The following DNAI1 variants were observed in gnomAD, a reference collection of about 807,000 sequenced individuals.
DNAI1 encodes the protein dynein, axonemal, intermediate polypeptide 1.
Under a neutral mutation model 92.0 loss-of-function variants are expected in DNAI1, and 67 were observed. The ratio of observed to expected loss-of-function variants is 0.73; its 90% CI spans 0.60 to 0.89. The LOEUF (loss-of-function observed/expected upper bound fraction) is 0.89. Among genes scored for constraint, DNAI1 ranks in the 40% least tolerant of loss-of-function variants. DNAI1 has a pLI of 0.00. For missense variants in DNAI1, 839 were observed against 866.6 expected, an observed-to-expected ratio of 0.97 and a Z score of 0.40; for synonymous variants, 323 against 319.6, an observed-to-expected ratio of 1.01 and a Z score of -0.11.
At chr9:34,498,667 G>A (rs1824770893) in intron 10 of DNAI1, among the ~76,000 whole-genome samples, 1 of 152,206 alleles carries the variant, frequency 6.6e-6, no homozygotes, top group Non-Finnish European at 1.5e-5. Context: ...TTCCCTAAGA[G>A]GTTGTGCATT....
rs758652167 is a variant in DNAI1, at chr9:34,490,055, C to T, written c.432C>T (p.Leu144=). The change falls in exon 6 of 20, where the codon CTC becomes CTT. Residue 144 remains leucine (L), a synonymous_variant. Transcript: ENST00000242317. ...AGGTGATTTCAGAAACAGGAAACCT[C>T]GAAGAAGACGAAGAGCCCAAGGAGT... ...SVKVISETGN[L]EEDEEPKELE... is the part of the protein sequence containing the mutation. 31 of 1,614,044 alleles carry T rather than the reference C, an allele frequency of 1.9e-5. 2 individuals are homozygous for T. The highest frequency in any genetic ancestry group is 1.9e-4 in the African/African-American group (14 of 74,924).
chr9:34,498,150 T>C (rs1159975391), intron 10 of DNAI1, among the ~76,000 whole-genome samples: 1 of 152,178 alleles, frequency 6.6e-6, no homozygotes, highest in African/African-American at 2.4e-5. Context: ...TGACCTAGCC[T>C]GTGTCTTAAG....
intron 13 of DNAI1, among the ~76,000 whole-genome samples, chr9:34,510,577 C>T (rs1441833632): frequency 1.3e-5 from 2 of 152,166 alleles, no homozygotes; most frequent in Non-Finnish European, 2.9e-5. Flanking sequence ...CGGCTCACCT[C>T]CACCCCAGGA....
chr9:34,507,767 G>A (rs577960094), intron 13 of DNAI1, among the ~76,000 whole-genome samples: 9 of 152,322 alleles, frequency 5.9e-5, no homozygotes, highest in South Asian at 2.1e-4. Flanking sequence ...GCCTGCCCTC[G>A]GGTGGGACTG....
At chr9:34,491,421 C>T in intron 7 of DNAI1, 74 bp from the exon 8 acceptor site, 2 of 1,557,688 alleles carry the variant, frequency 1.3e-6, no homozygotes, top group South Asian at 1.1e-5. Context: ...ATGCTTCTCT[C>T]AAAGATATAC....
rs200496630 is a variant in DNAI1, at chr9:34,520,757, G to A, written c.*1G>A. On this transcript the variant is annotated 3_prime_UTR_variant, in exon 20 of 20. Transcript: ENST00000242317. The stretch of plus-strand genomic sequence containing the variant: ...GAGGGAAGTGAAAATCAAGACCTGA[G>A]GGGCTGGCCTCAGTCTCTGTCCCAT... 1 of 1,551,658 alleles carries A rather than the reference G, an allele frequency of 6.4e-7. No individual in the cohort carries two copies. The highest frequency in any genetic ancestry group is 8.7e-7 in the Non-Finnish European group (1 of 1,146,964).
chr9:34,500,870 C>A (rs1447681760), intron 11 of DNAI1, 31 bp downstream of exon 11: 3 of 1,545,766 alleles, frequency 1.9e-6, no homozygotes, highest in African/African-American at 1.4e-5. Flanking sequence ...AAATGCAGAG[C>A]CCCTGAGTGC....
intron 1 of DNAI1, among the ~76,000 whole-genome samples, chr9:34,459,449 TC>T (rs777435915): frequency 0.012 from 1,783 of 147,620 alleles, 40 homozygotes; most frequent in African/African-American, 0.036. Context: ...TTTCTTTCTT[TC>T]TTTTTTTTTT....
intron 13 of DNAI1, among the ~76,000 whole-genome samples, chr9:34,510,343 T>C (rs1185345527): frequency 6.6e-6 from 1 of 152,180 alleles, no homozygotes; most frequent in Non-Finnish European, 1.5e-5. Flanking sequence ...AGCAACACTC[T>C]GTGGGGTGTG....
Position 34,490,487 on chromosome 9 carries a change from G to A in DNAI1, c.620G>A (p.Arg207Gln), listed in dbSNP as rs767714586. ...TCACAGACCTACAACAACCCTGTCC[G>A]GGTAGAGCAGCCCCCACCCTAGCCC... The part of the protein sequence containing the change: ...RASQTYNNPV[R>Q]DRECQTEPPP... Residue 207 changes from arginine to glutamine, a missense_variant and splice_region_variant, in exon 7 of 20, where the codon CGG (arginine) becomes CAG (glutamine). Physicochemically the swap from Arg to Gln is conservative, Grantham distance 43. Coordinates refer to ENST00000242317, the MANE Select transcript of DNAI1 (RefSeq NM_012144.4). The A allele has an allele frequency of 9.9e-6, 16 of 1,613,902 alleles. No individual in the cohort carries two copies. In the East Asian group the frequency reaches 1.1e-4, roughly 11 times the overall value.
intron 1 of DNAI1, among the ~76,000 whole-genome samples, chr9:34,482,422 T>C (rs1388323653): frequency 6.7e-5 from 10 of 149,230 alleles, no homozygotes; most frequent in Admixed American, 6.7e-5. Context: ...AGAGTGTTGA[T>C]TGGTGCACTC....
chr9:34,504,986 C>A (rs1824896661), intron 12 of DNAI1, among the ~76,000 whole-genome samples: 1 of 152,034 alleles, frequency 6.6e-6, no homozygotes, highest in Non-Finnish European at 1.5e-5. Flanking sequence ...GCTTCCAAAC[C>A]ATCCCAGAAA....
intron 19 of DNAI1, among the ~76,000 whole-genome samples, chr9:34,519,537 G>A (rs1825227518): frequency 6.6e-6 from 1 of 152,178 alleles, no homozygotes; most frequent in Non-Finnish European, 1.5e-5. Context: ...TGCCTGCAGA[G>A]GGTAGAGGTG....
intron 2 of DNAI1, among the ~76,000 whole-genome samples, chr9:34,484,401 A>C (rs1824432232): frequency 6.6e-6 from 1 of 152,228 alleles, no homozygotes; most frequent in South Asian, 2.1e-4. Flanking sequence ...TGATTTTTAG[A>C]AAGGTTATAC....
At chr9:34,465,599 T>C (rs1052244747) in intron 1 of DNAI1, among the ~76,000 whole-genome samples, 3 of 152,218 alleles carry the variant, frequency 2.0e-5, no homozygotes, top group Non-Finnish European at 4.4e-5. Context: ...CTGTGAGCAT[T>C]TGAGGCCAGA....
At chr9:34,463,956 A>C (rs2132038960) in intron 1 of DNAI1, among the ~76,000 whole-genome samples, 1 of 152,252 alleles carries the variant, frequency 6.6e-6, no homozygotes, top group Middle Eastern at 3.4e-3. Context: ...GGGGAAGTTG[A>C]TGTGTTTCTG....
intron 14 of DNAI1, 27 bp from the exon 15 acceptor site, chr9:34,512,310 C>T (rs183882473): frequency 1.2e-5 from 20 of 1,612,616 alleles, no homozygotes; most frequent in African/African-American, 2.7e-5. Context: ...TGCCCTCCCC[C>T]CCACATCCCT....
intron 18 of DNAI1, among the ~76,000 whole-genome samples, chr9:34,515,512 AT>A (rs1368141604): frequency 6.6e-6 from 1 of 152,240 alleles, no homozygotes; most frequent in African/African-American, 2.4e-5. Flanking sequence ...AGAATTATTA[AT>A]AAAAGACTGT....
At chr9:34,466,476 T>A (rs1564026213) in intron 1 of DNAI1, among the ~76,000 whole-genome samples, 2 of 152,206 alleles carry the variant, frequency 1.3e-5, no homozygotes, top group Non-Finnish European at 2.9e-5. Flanking sequence ...ATTATTTTGT[T>A]CCCTCTGCAT....
Sources: gnomAD v4.1 joint callset for allele counts (sites outside exome capture counted in the v4.1 genomes callset) on GRCh38, gnomAD v4.1.1 for gene constraint, MANE v1.5 for transcripts, NCBI Gene and HGNC (gene_info 2026-07-23, HGNC 2026-07-21) for gene names.